The following TRIM2 variants were observed in gnomAD, a reference collection of about 807,000 sequenced individuals.
TRIM2 encodes the protein tripartite motif-containing protein 2.
TRIM2 carries 20 observed loss-of-function variants against 75.2 expected under a neutral mutation model. The observed-to-expected ratio is 0.27, with a 90% CI of 0.19 to 0.39. The LOEUF (loss-of-function observed/expected upper bound fraction) is 0.39. TRIM2 is among the 10% of genes least tolerant of loss of function. The probability of loss-of-function intolerance (pLI) is 1.00; values close to 1 mark genes in which losing one functional copy is unlikely to be tolerated. For synonymous variants in TRIM2, 373 were observed against 388.3 expected (o/e 0.96, Z 0.46); for missense variants, 660 against 990.8 (o/e 0.67, Z 4.48).
chr4:153,227,156 A>G (rs1414838904), intron 1 of TRIM2, among the ~76,000 whole-genome samples: 1 of 152,210 alleles, frequency 6.6e-6, no homozygotes, highest in Non-Finnish European at 1.5e-5. Context: ...GAGAGAATCA[A>G]GTTGGCCCCA....
intron 1 of TRIM2, among the ~76,000 whole-genome samples, chr4:153,214,913 C>T (rs1188909746): frequency 6.6e-6 from 1 of 152,168 alleles, no homozygotes; most frequent in Non-Finnish European, 1.5e-5. Context: ...AAGCTATTAA[C>T]ATTAGAATGC....
intron 1 of TRIM2, among the ~76,000 whole-genome samples, chr4:153,266,073 G>A (rs113086714): frequency 2.6e-5 from 4 of 152,192 alleles, no homozygotes; most frequent in African/African-American, 9.6e-5. Flanking sequence ...CTGATCAGAC[G>A]TCATACCTAT....
chr4:153,321,115 A>G (rs1394553457), intron 8 of TRIM2, among the ~76,000 whole-genome samples: 2 of 152,126 alleles, frequency 1.3e-5, no homozygotes, highest in Admixed American at 1.3e-4. Flanking sequence ...TTCACTTCAC[A>G]TGCATTCTGA....
At chr4:153,283,861 C>CTTTTTTTT (rs71598257) in intron 3 of TRIM2, among the ~76,000 whole-genome samples, 4 of 53,254 alleles carry the variant, frequency 7.5e-5, no homozygotes, top group African/African-American at 2.6e-4. Flanking sequence ...TGGCCTTGAT[C>CTTTTTTTT]TTTTTTTTTT....
At chr4:153,288,395 C>T (rs561636046) in intron 3 of TRIM2, among the ~76,000 whole-genome samples, 2 of 152,198 alleles carry the variant, frequency 1.3e-5, no homozygotes, top group East Asian at 3.9e-4. Context: ...CAAGATTGAG[C>T]CACTGCACTC....
At chr4:153,180,832 A>G (rs1209468847) in intron 1 of TRIM2, among the ~76,000 whole-genome samples, 1 of 151,982 alleles carries the variant, frequency 6.6e-6, no homozygotes. Flanking sequence ...TCCTCTGCCA[A>G]CTCCTGTGGG....
chr4:153,301,846 T>G (rs1427809635), intron 6 of TRIM2, among the ~76,000 whole-genome samples: 1 of 152,230 alleles, frequency 6.6e-6, no homozygotes, highest in Non-Finnish European at 1.5e-5. Context: ...GTGGTCTATG[T>G]TTTTAAGCCA....
At chr4:153,226,110 A>G (rs758967834) in intron 1 of TRIM2, among the ~76,000 whole-genome samples, 1 of 152,166 alleles carries the variant, frequency 6.6e-6, no homozygotes, top group Non-Finnish European at 1.5e-5. Context: ...GCCTCAAGCA[A>G]TCCTCCTGCT....
chr4:153,303,037 G>A (rs1158860330), intron 6 of TRIM2, among the ~76,000 whole-genome samples: 1 of 152,234 alleles, frequency 6.6e-6, no homozygotes, highest in Non-Finnish European at 1.5e-5. Context: ...GCATTCAGCT[G>A]CAGGGGTAAT....
intron 1 of TRIM2, among the ~76,000 whole-genome samples, chr4:153,154,826 T>A (rs1729075426): frequency 6.6e-6 from 1 of 152,180 alleles, no homozygotes; most frequent in Non-Finnish European, 1.5e-5. Context: ...AAAATAATGC[T>A]TGACATTTGG....
intron 1 of TRIM2, among the ~76,000 whole-genome samples, chr4:153,157,487 C>G (rs1429453832): frequency 6.6e-6 from 1 of 152,150 alleles, no homozygotes; most frequent in Non-Finnish European, 1.5e-5. Context: ...TGGTTGGATT[C>G]TGGTTGTCAA....
intron 1 of TRIM2, among the ~76,000 whole-genome samples, chr4:153,268,932 C>T (rs1755957252): frequency 1.3e-5 from 2 of 152,192 alleles, no homozygotes; most frequent in Admixed American, 6.5e-5. Flanking sequence ...TTTGTCCCTA[C>T]CCCATAGCAA....
chr4:153,295,719 C>A lies in TRIM2; in HGVS notation c.1193C>A (p.Thr398Asn), dbSNP rs1372026681. 3 of 1,613,912 alleles carry A rather than the reference C, an allele frequency of 1.9e-6. No individual in the cohort carries two copies. The highest frequency in any genetic ancestry group is 1.1e-5 in the South Asian group (1 of 91,032). Residue 398 changes from threonine to asparagine, a missense_variant, in exon 6 of 12, where the codon ACC (threonine) becomes AAC (asparagine). Physicochemically the swap from Thr to Asn is moderately conservative, Grantham distance 65. This residue lies in a region of TRIM2 where 620 missense variants were observed against 891.0 expected (regional missense o/e 0.70). Coordinates refer to ENST00000338700, the MANE Select transcript of TRIM2 (RefSeq NM_015271.5). This position sits in a 1 kb window ranked among gnomAD's most constrained non-coding sequence, Gnocchi z 7.2. ...GNAYLTAELS[T>N]PDGSVADGEI... ...GCCTACCTCACCGCCGAACTGAGCA[C>A]CCCCGACGGGAGCGTGGCAGACGGG...
rs927333319 is a variant in TRIM2, at chr4:153,337,110, G to A, written c.*2144G>A. ...GAATTTCATTTTGCCACGTACTAACGTTCTGCACAAAAGACAGGCTAGACT... is the reference window on the plus strand; with the variant it reads ...GAATTTCATTTTGCCACGTACTAACATTCTGCACAAAAGACAGGCTAGACT... On this transcript the variant is annotated 3_prime_UTR_variant, in exon 12 of 12. Coordinates refer to ENST00000338700, the MANE Select transcript of TRIM2 (RefSeq NM_015271.5). The A allele has an allele frequency of 2.4e-5, 24 of 985,256 alleles. No homozygotes were observed. The East Asian group carries it at 6.8e-4, about 28-fold the overall frequency. 61.0% of individuals were successfully genotyped at this position (985,256 alleles called of 1,614,324 possible).
intron 1 of TRIM2, among the ~76,000 whole-genome samples, chr4:153,212,049 G>C (rs1017826880): frequency 2.0e-5 from 3 of 152,046 alleles, no homozygotes; most frequent in Non-Finnish European, 4.4e-5. Flanking sequence ...AGCTTCTGGC[G>C]GTAGGCTACA....
At chr4:153,236,862 T>A (rs1185938115) in intron 1 of TRIM2, among the ~76,000 whole-genome samples, 1 of 152,036 alleles carries the variant, frequency 6.6e-6, no homozygotes, top group Non-Finnish European at 1.5e-5. Context: ...TGGCTAATTT[T>A]TAAATTTTTG....
chr4:153,153,343 G>C (rs1032037085), intron 1 of TRIM2: 4 of 152,268 alleles, frequency 2.6e-5, no homozygotes, highest in African/African-American at 4.8e-5. Flanking sequence ...TGGCGGGGAC[G>C]GAAAGGCAGG....
rs746869290 is a variant in TRIM2, at chr4:153,294,285, C to A, written c.606-20C>A. 14 of 1,610,972 alleles carry A rather than the reference C, an allele frequency of 8.7e-6. No individual in the cohort carries two copies. The African/African-American group carries it at 9.4e-5, about 11-fold the overall frequency. On this transcript the variant is annotated intron_variant, in intron 4 of 11. Transcript: ENST00000338700. Reference sequence around the variant, plus strand: ...TTCTGGGTTGAGGTTAAATAACGACCTTTAACAACTGTCCACCAGGCTCCC... The same window carrying A: ...TTCTGGGTTGAGGTTAAATAACGACATTTAACAACTGTCCACCAGGCTCCC...
intron 1 of TRIM2, among the ~76,000 whole-genome samples, chr4:153,159,418 A>C (rs1449256738): frequency 1.4e-5 from 2 of 145,326 alleles, no homozygotes; most frequent in East Asian, 4.1e-4. Flanking sequence ...CTCTCGTGTC[A>C]ACCTCCCAAG....
Sources: gnomAD v4.1 joint callset for allele counts (sites outside exome capture counted in the v4.1 genomes callset) on GRCh38, gnomAD v4.1.1 for gene constraint, gnomAD v4.1.1 regional missense constraint, Gnocchi (gnomAD v3.1) non-coding constraint, MANE v1.5 for transcripts, NCBI Gene and HGNC (gene_info 2026-07-23, HGNC 2026-07-21) for gene names.